The following PREPL variants were observed in gnomAD, a reference collection of about 807,000 sequenced individuals.
PREPL encodes the protein prolyl endopeptidase-like.
PREPL carries 77 observed loss-of-function variants against 70.6 expected under a neutral mutation model. That is an observed-to-expected ratio of 1.09 (90% CI 0.91 to 1.32). PREPL has a LOEUF of 1.32. PREPL is among the 40% of genes most tolerant of loss of function. The pLI is 0.00. For missense variants in PREPL, 1,002 were observed against 778.2 expected (o/e 1.29, Z -3.42); for synonymous variants, 315 against 264.8 (o/e 1.19, Z -1.84).
intron 4 of PREPL, among the ~76,000 whole-genome samples, chr2:44,342,942 C>T (rs17032158): frequency 0.051 from 7,819 of 152,250 alleles, 251 homozygotes; most frequent in South Asian, 0.13. Context: ...TAAACCTTCT[C>T]TGTCTGCTTT....
rs771779828 is a variant in PREPL at position 44,332,546 on chromosome 2, A to C, written c.999T>G (p.Phe333Leu). ...TTTCCTCAAACAGTTTGCCTTCTGC[A>C]AACTTGTATGTGTAATATTTTGGGG... ...IRPPKYYTYK[F>L]AEGKLFEETG... Residue 333 changes from phenylalanine to leucine, a missense_variant, in exon 8 of 14, where the codon TTT (phenylalanine) becomes TTG (leucine). By Grantham distance (22) the Phe-to-Leu change is conservative. Coordinates refer to ENST00000409411, the MANE Select transcript of PREPL (RefSeq NM_001171613.2). 6.2e-7 allele frequency: 1 copy of C among 1,614,040 alleles called. No homozygotes were observed. The highest frequency in any genetic ancestry group is 1.7e-5 in the Admixed American group (1 of 60,022).
rs1380503058 is a variant in PREPL at position 44,347,052 on chromosome 2, G to A, written c.-48-662C>T. On this transcript the variant is annotated intron_variant, in intron 1 of 13. Transcript: ENST00000409411. ...TTATCACATCAAAAAGTAAACTGGCGAGGCGCAGTGGCTCATGCCTGTAAC... is the reference window on the plus strand; with the variant it reads ...TTATCACATCAAAAAGTAAACTGGCAAGGCGCAGTGGCTCATGCCTGTAAC... Among the ~76,000 whole-genome samples the A allele has an allele frequency of 3.9e-5, 6 of 152,034 alleles. No individual in the cohort carries two copies. The South Asian group carries it at 6.2e-4, about 16-fold the overall frequency.
In PREPL at chr2:44,329,125, A is replaced by T. The variant is rs748576996; in HGVS notation, c.1087-13T>A. 3.8e-5 allele frequency: 60 copies of T among 1,567,734 alleles called. 1 individual carries two copies. In the South Asian group the frequency reaches 6.2e-4, roughly 16 times the overall value. On this transcript the variant is annotated splice_polypyrimidine_tract_variant and intron_variant, in intron 8 of 13. Transcript: ENST00000409411. Reference sequence around the variant, plus strand: ...CTAATTTTCCATCCTAGAAATGAAGAATTACTATGTATGTAAAGAAGAGTC... The same window carrying T: ...CTAATTTTCCATCCTAGAAATGAAGTATTACTATGTATGTAAAGAAGAGTC...
intron 1 of PREPL, among the ~76,000 whole-genome samples, chr2:44,354,181 T>G (rs2104172348): frequency 6.6e-6 from 1 of 152,070 alleles, no homozygotes; most frequent in East Asian, 1.9e-4. Flanking sequence ...AAAAAAAGTA[T>G]CAAAGACCTA....
At chr2:44,327,953 C>A (rs959538545) in intron 9 of PREPL, among the ~76,000 whole-genome samples, 2 of 151,730 alleles carry the variant, frequency 1.3e-5, no homozygotes, top group African/African-American at 4.8e-5. Context: ...AGTTCGAGAC[C>A]AGCCTGGGCA....
At chr2:44,326,950 G>A (rs1673563699) in intron 9 of PREPL, 22 bp from the exon 10 acceptor site, 5 of 1,605,236 alleles carry the variant, frequency 3.1e-6, no homozygotes, top group Non-Finnish European at 4.3e-6. Context: ...GGGCAAAAAA[G>A]TTTTAGTGGA....
chr2:44,327,026 C>T, intron 9 of PREPL, 98 bp from the exon 10 acceptor site: 1 of 1,006,844 alleles, frequency 9.9e-7, no homozygotes, highest in Non-Finnish European at 1.5e-6. Flanking sequence ...TTTTGTGTGG[C>T]CCTGGAGCTA....
Position 44,321,410 on chromosome 2 carries a change from A to G in PREPL, c.1863T>C (p.Leu621=). The change falls in exon 14 of 14, where the codon CTT becomes CTC. Residue 621 remains leucine (L), a synonymous_variant. Coordinates refer to ENST00000409411, the MANE Select transcript of PREPL (RefSeq NM_001171613.2). ...CGAAAACACTGGTGCTGTCAAGTCC[A>G]AGTTCCTCGTACAGGAATTTAATTT... The part of the protein sequence containing the change: ...TAQIKFLYEE[L]GLDSTSVFED... 6.2e-7 allele frequency: 1 copy of G among 1,613,246 alleles called. No homozygotes were observed. The highest frequency in any genetic ancestry group is 1.7e-4 in the Middle Eastern group (1 of 6,052).
At chr2:44,361,086 C>G (rs1677725584) in intron 1 of PREPL, among the ~76,000 whole-genome samples, 1 of 152,234 alleles carries the variant, frequency 6.6e-6, no homozygotes, top group Admixed American at 6.5e-5. Flanking sequence ...TACATCACCA[C>G]GTTCCCACAG....
At chr2:44,345,582 A>C (rs1675711147) in intron 2 of PREPL, among the ~76,000 whole-genome samples, 1 of 152,106 alleles carries the variant, frequency 6.6e-6, no homozygotes, top group Admixed American at 6.5e-5. Flanking sequence ...TCTTGACCTC[A>C]GGTGATCTGC....
chr2:44,338,128 CA>C (rs1299199853), intron 7 of PREPL, among the ~76,000 whole-genome samples: 2 of 152,154 alleles, frequency 1.3e-5, no homozygotes, highest in Admixed American at 1.3e-4. Flanking sequence ...AAGTCCATGC[CA>C]TAAGACACTA....
chr2:44,321,193 G>C lies in PREPL; in HGVS notation c.*163C>G. 1.6e-6 allele frequency: 1 copy of C among 632,912 alleles called. No homozygotes were observed. The highest frequency in any genetic ancestry group is 2.8e-5 in the East Asian group (1 of 35,604). 39.2% of individuals were successfully genotyped at this position (632,912 alleles called of 1,614,324 possible). On this transcript the variant is annotated 3_prime_UTR_variant, in exon 14 of 14. Transcript: ENST00000409411. ...TGCATCAATGGAGAGAATAGTATAAGCAAGTGAGATGTAGACTAAGCAAAA... is the reference window on the plus strand; with the variant it reads ...TGCATCAATGGAGAGAATAGTATAACCAAGTGAGATGTAGACTAAGCAAAA...
chr2:44,337,830 A>AC (rs1317744083), intron 7 of PREPL, among the ~76,000 whole-genome samples: 1 of 152,176 alleles, frequency 6.6e-6, no homozygotes, highest in African/African-American at 2.4e-5. Context: ...TGCTGTGGAG[A>AC]CCACTGCTAC....
intron 11 of PREPL, among the ~76,000 whole-genome samples, 176 bp downstream of exon 11, chr2:44,323,086 T>C (rs924334390): frequency 2.0e-5 from 3 of 152,182 alleles, no homozygotes; most frequent in African/African-American, 7.2e-5. Flanking sequence ...GCATGATAAG[T>C]CTATTCCCCT....
At chr2:44,339,029 T>C in intron 6 of PREPL, 118 bp downstream of exon 6, 1 of 1,467,082 alleles carries the variant, frequency 6.8e-7, no homozygotes, top group East Asian at 2.5e-5. Context: ...GGATTGGTTA[T>C]ACATAGGAAG....
chr2:44,337,455 A>G (rs557409586), intron 7 of PREPL, among the ~76,000 whole-genome samples: 15 of 152,344 alleles, frequency 9.8e-5, no homozygotes, highest in Admixed American at 6.5e-4. Flanking sequence ...TTTCGATTCT[A>G]TAATGCCCGA....
chr2:44,356,009 G>T (rs1572578966), intron 1 of PREPL, among the ~76,000 whole-genome samples: 1 of 152,148 alleles, frequency 6.6e-6, no homozygotes, highest in African/African-American at 2.4e-5. Flanking sequence ...CTGGATGGAT[G>T]GATGCTAGTC....
At chr2:44,332,241 C>T (rs554461617) in intron 8 of PREPL, among the ~76,000 whole-genome samples, 61 of 152,050 alleles carry the variant, frequency 4.0e-4, no homozygotes, top group South Asian at 1.2e-3. Context: ...CCACCGTGCC[C>T]GGCCGACATG....
At chr2:44,345,997 T>A (rs896601804) in intron 2 of PREPL, among the ~76,000 whole-genome samples, 1 of 151,908 alleles carries the variant, frequency 6.6e-6, no homozygotes, top group Admixed American at 6.6e-5. Context: ...TTTTTTTAAA[T>A]CGGAACTGAT....
Sources: allele counts gnomAD v4.1 joint callset (sites outside exome capture counted in the v4.1 genomes callset), GRCh38; gene constraint gnomAD v4.1.1; transcripts MANE v1.5; gene names NCBI Gene and HGNC (gene_info 2026-07-23, HGNC 2026-07-21).